UBE3D: variants seen among roughly 807,000 people sequenced by gnomAD.
The protein encoded by UBE3D is E3 ubiquitin-protein ligase E3D.
Under a neutral mutation model 49.6 loss-of-function variants are expected in UBE3D, and 48 were observed. The ratio of observed to expected loss-of-function variants is 0.97; its 90% CI spans 0.77 to 1.23. The LOEUF (loss-of-function observed/expected upper bound fraction) is 1.23. Among genes scored for constraint, UBE3D ranks in the 50% most tolerant of loss-of-function variants. UBE3D has a pLI of 0.00. For synonymous variants in UBE3D, 189 were observed against 174.2 expected, an observed-to-expected ratio of 1.08 and a Z score of -0.67; for missense variants, 452 against 468.4, an observed-to-expected ratio of 0.96 and a Z score of 0.32.
chr6:82,936,597 T>C (rs770426061), intron 9 of UBE3D, among the ~76,000 whole-genome samples: 1 of 152,222 alleles, frequency 6.6e-6, no homozygotes, highest in African/African-American at 2.4e-5. Context: ...TGCTCTGTTA[T>C]CACAGCTTTG....
chr6:82,925,096 CA>C (rs1381859677), intron 9 of UBE3D: 1 of 152,778 alleles, frequency 6.5e-6, no homozygotes, highest in Non-Finnish European at 1.5e-5. Flanking sequence ...CATGGTCCCC[CA>C]TTGCAATGCT....
At chr6:82,993,481 T>A (rs1318978269) in intron 8 of UBE3D, among the ~76,000 whole-genome samples, 1 of 152,206 alleles carries the variant, frequency 6.6e-6, no homozygotes, top group Non-Finnish European at 1.5e-5. Context: ...AGTATTTGGA[T>A]TAACCTATGC....
chr6:83,054,778 G>A (rs549707635), intron 2 of UBE3D, among the ~76,000 whole-genome samples: 9 of 152,156 alleles, frequency 5.9e-5, no homozygotes, highest in East Asian at 5.8e-4. Context: ...AGCCTCCCGC[G>A]TAGCTGGGAT....
intron 5 of UBE3D, among the ~76,000 whole-genome samples, chr6:83,031,181 T>C (rs774946801): frequency 3.9e-5 from 6 of 152,132 alleles, no homozygotes; most frequent in Admixed American, 1.3e-4. Flanking sequence ...CTAATATTTG[T>C]ATTTTTTGGT....
chr6:83,052,697 G>A (rs1197440418), intron 3 of UBE3D, among the ~76,000 whole-genome samples: 2 of 152,168 alleles, frequency 1.3e-5, no homozygotes, highest in African/African-American at 2.4e-5. Context: ...TGAAATGTGA[G>A]GGTGGAGAGG....
chr6:82,925,410 C>T (rs293504), intron 9 of UBE3D, among the ~76,000 whole-genome samples: 126,720 of 152,120 alleles, frequency 0.83, 53,122 homozygotes, highest in East Asian at 0.94. Flanking sequence ...GCCAGAAAAC[C>T]TGTTTCTTCA....
At chr6:82,896,339 A>T (rs1348516157) in intron 9 of UBE3D, among the ~76,000 whole-genome samples, 1 of 152,220 alleles carries the variant, frequency 6.6e-6, no homozygotes, top group Non-Finnish European at 1.5e-5. Flanking sequence ...AGAGCATATG[A>T]CTATAGCTGC....
intron 3 of UBE3D, among the ~76,000 whole-genome samples, chr6:83,046,815 G>GA (rs1783092262): frequency 6.6e-6 from 1 of 152,000 alleles, no homozygotes; most frequent in Non-Finnish European, 1.5e-5. Context: ...GGATCCCCAA[G>GA]ACCAATCCAT....
chr6:82,966,629 G>A (rs1259377360), intron 8 of UBE3D, among the ~76,000 whole-genome samples: 1 of 54,210 alleles, frequency 1.8e-5, no homozygotes, highest in African/African-American at 1.1e-4. Context: ...CAGCCTGGGC[G>A]ACAGAGCGAG....
intron 8 of UBE3D, among the ~76,000 whole-genome samples, chr6:83,005,497 T>C (rs1039400595): frequency 2.0e-5 from 3 of 152,054 alleles, no homozygotes; most frequent in African/African-American, 7.2e-5. Flanking sequence ...TCCAAAAGAA[T>C]TGAGACTGAG....
the UBE3D span, among the ~76,000 whole-genome samples, chr6:82,886,873 AT>A: frequency 6.6e-6 from 1 of 152,192 alleles, no homozygotes; most frequent in Non-Finnish European, 1.5e-5. Context: ...GAAATGTGGA[AT>A]TTTATTTCAA....
downstream of UBE3D, among the ~76,000 whole-genome samples, chr6:82,887,705 TCC>T (rs146278029): frequency 6.8e-3 from 1,011 of 148,830 alleles, 13 homozygotes; most frequent in Middle Eastern, 0.017. Context: ...AGATACTCCA[TCC>T]CCCCAAAAAA....
At chr6:82,890,197 AAATTTAAATGTCTT>A (rs1279202471), downstream of UBE3D, among the ~76,000 whole-genome samples, 2 of 152,160 alleles carry the variant, frequency 1.3e-5, no homozygotes, top group Non-Finnish European at 2.9e-5. Context: ...GTTTAAAATG[AAATTTAAATGTCTT>A]TAATGCTATC....
intron 4 of UBE3D, among the ~76,000 whole-genome samples, chr6:83,040,221 T>C (rs1185089966): frequency 6.6e-6 from 1 of 151,938 alleles, no homozygotes; most frequent in East Asian, 1.9e-4. Flanking sequence ...CTGTCTCTAC[T>C]AAAAATATAA....
chr6:83,001,718 G>T (rs150016313), intron 8 of UBE3D, among the ~76,000 whole-genome samples: 151 of 152,278 alleles, frequency 9.9e-4, no homozygotes, highest in African/African-American at 3.5e-3. Context: ...CTGAATCTCT[G>T]AAGAGCTATC....
At chr6:83,046,300 A>C (rs1342037491) in intron 3 of UBE3D, among the ~76,000 whole-genome samples, 2 of 152,058 alleles carry the variant, frequency 1.3e-5, no homozygotes, top group African/African-American at 4.8e-5. Flanking sequence ...ACTGAGTTGC[A>C]TAAAAGGGCA....
intron 5 of UBE3D, among the ~76,000 whole-genome samples, chr6:83,031,170 G>C (rs1411830404): frequency 2.0e-5 from 3 of 152,096 alleles, no homozygotes; most frequent in Non-Finnish European, 2.9e-5. Context: ...AATATGCCTG[G>C]CTAATATTTG....
At chr6:82,997,757 T>C (rs1779346076) in intron 8 of UBE3D, among the ~76,000 whole-genome samples, 1 of 152,048 alleles carries the variant, frequency 6.6e-6, no homozygotes. Context: ...CACAATAGTT[T>C]TTGTATATAC....
intron 8 of UBE3D, among the ~76,000 whole-genome samples, chr6:82,986,643 A>G (rs1349483558): frequency 6.7e-6 from 1 of 149,336 alleles, no homozygotes; most frequent in Non-Finnish European, 1.5e-5. Context: ...AAATATATAC[A>G]TATATATTTT....
Sources: gnomAD v4.1 joint callset for allele counts (sites outside exome capture counted in the v4.1 genomes callset) on GRCh38, gnomAD v4.1.1 for gene constraint, MANE v1.5 for transcripts, NCBI Gene and HGNC (gene_info 2026-07-23, HGNC 2026-07-21) for gene names.